DSC2: variants seen among roughly 807,000 people sequenced by gnomAD.
DSC2 encodes the protein desmocollin-2.
DSC2 carries 51 observed loss-of-function variants against 87.6 expected under a neutral mutation model. The observed-to-expected ratio is 0.58, with a 90% CI of 0.46 to 0.74. The LOEUF (loss-of-function observed/expected upper bound fraction) is 0.74. Ranked by LOEUF, DSC2 falls within the 30% of genes least tolerant of loss-of-function variation. The pLI is 0.00. For synonymous variants in DSC2, 383 were observed against 393.2 expected (o/e 0.97, Z 0.31); for missense variants, 1,066 against 1,089.5 (o/e 0.98, Z 0.30).
intron 1 of DSC2, chr18:31,101,515 G>GGCCCCGGCGCACTCCC (rs1355089153): frequency 0.084 from 15,596 of 185,870 alleles, 1,136 homozygotes; most frequent in Non-Finnish European, 0.11. Flanking sequence ...CCAGCTGGAC[G>GGCCCCGGCGCACTCCC]GCCCCGGCGC....
At chr18:31,081,563 T>C (rs2144817252) in intron 9 of DSC2, among the ~76,000 whole-genome samples, 1 of 152,312 alleles carries the variant, frequency 6.6e-6, no homozygotes, top group South Asian at 2.1e-4. Context: ...AATGGATTCA[T>C]CATTTTTTAA....
At chr18:31,098,818 A>G (rs1263437455) in intron 1 of DSC2, among the ~76,000 whole-genome samples, 1 of 152,208 alleles carries the variant, frequency 6.6e-6, no homozygotes. Flanking sequence ...ACACCTGCCC[A>G]CATATGAAAT....
chr18:31,101,612 C>G (rs1009955575), intron 1 of DSC2: 3 of 407,276 alleles, frequency 7.4e-6, no homozygotes, highest in African/African-American at 6.4e-5. Flanking sequence ...GGCGCGTACC[C>G]AGGGGCCACG....
intron 14 of DSC2, among the ~76,000 whole-genome samples, chr18:31,069,879 T>A (rs1336037036): frequency 6.6e-6 from 1 of 152,206 alleles, no homozygotes; most frequent in Admixed American, 6.5e-5. Flanking sequence ...GAAGTAATGA[T>A]CAATATTTCC....
At chr18:31,071,030 T>G (rs1000965570) in intron 13 of DSC2, among the ~76,000 whole-genome samples, 180 bp from the exon 14 acceptor site, 5 of 152,118 alleles carry the variant, frequency 3.3e-5, no homozygotes, top group Non-Finnish European at 1.5e-5. Context: ...ATATGCTATT[T>G]AAAAGTTTAA....
chr18:31,066,374 CTTAAT>C lies in DSC2; in HGVS notation c.*1636_*1640del, dbSNP rs1184926616. On this transcript the variant is annotated 3_prime_UTR_variant, in exon 16 of 16. Transcript: ENST00000280904. ...AACTCACACTAAGTTTTAAAAACTG[CTTAAT>C]TTACTTTATCATGACTAGTAATATA... The C allele has an allele frequency of 6.6e-6, 1 of 152,060 alleles. No individual in the cohort carries two copies. Among genetic ancestry groups the C allele is most frequent in the Non-Finnish European group, 1.5e-5 (1 of 67,988 alleles). The allele number at this position is 152,060 out of a possible 1,614,324, so 9.4% of individuals were successfully genotyped here. A position where few individuals can be genotyped will look rare whatever the true frequency, so the allele number is the denominator to read the frequency against.
intron 8 of DSC2, 52 bp downstream of exon 8, chr18:31,082,874 A>T: frequency 6.3e-7 from 1 of 1,597,190 alleles, no homozygotes; most frequent in Non-Finnish European, 8.6e-7. Flanking sequence ...GTGCATATTA[A>T]ACAATTAAAA....
rs1352394486 is a variant in DSC2, at chr18:31,068,077, C to T, written c.2644G>A (p.Glu882Lys). The change falls in exon 16 of 16, where the codon GAA (glutamate) becomes AAA (lysine). Residue 882 changes from glutamate to lysine, a missense_variant. By Grantham distance (56) the Glu-to-Lys change is moderately conservative. Coordinates refer to ENST00000280904, the MANE Select transcript of DSC2 (RefSeq NM_024422.6). ...CSERQEEDGL[E>K]FLDNLEPKFR... ...TTGGGCTCCAAATTATCCAAAAATT[C>T]AAGCCCATCTTCTTCTTGTCGTTCA... 6.8e-6 allele frequency: 11 copies of T among 1,613,998 alleles called. No individual in the cohort carries two copies. The highest frequency in any genetic ancestry group is 9.3e-6 in the Non-Finnish European group (11 of 1,179,966).
Position 31,082,332 on chromosome 18 carries a change from C to G in DSC2, c.1169G>C (p.Arg390Thr). ...DKDLVNTANW[R>T]ANYTILKGNE... Reference sequence around the variant, plus strand: ...GCCCTTTAAAATGGTATAATTAGCTCTCCAGTTAGCAGTATTCACTAAGTC... The same window carrying G: ...GCCCTTTAAAATGGTATAATTAGCTGTCCAGTTAGCAGTATTCACTAAGTC... Residue 390 changes from arginine to threonine, a missense_variant, in exon 9 of 16, where the codon AGA becomes ACA. Coordinates refer to ENST00000280904, the MANE Select transcript of DSC2 (RefSeq NM_024422.6). 6.2e-7 allele frequency: 1 copy of G among 1,613,872 alleles called. No individual in the cohort carries two copies. The highest frequency in any genetic ancestry group is 2.2e-5 in the East Asian group (1 of 44,832).
chr18:31,083,514 A>T (rs1987301293), intron 7 of DSC2, among the ~76,000 whole-genome samples: 3 of 152,216 alleles, frequency 2.0e-5, no homozygotes, highest in Non-Finnish European at 4.4e-5. Flanking sequence ...ATTAATCAAA[A>T]CCTTTATCTC....
intron 1 of DSC2, among the ~76,000 whole-genome samples, chr18:31,100,635 T>G (rs1987910049): frequency 6.6e-6 from 1 of 152,174 alleles, no homozygotes; most frequent in African/African-American, 2.4e-5. Flanking sequence ...CAATTACCAA[T>G]TCATGATTGT....
rs112474689 is a variant in DSC2, at chr18:31,080,500, G to A, written c.1264-148C>T. On this transcript the variant is annotated intron_variant, in intron 9 of 15. Coordinates refer to ENST00000280904, the MANE Select transcript of DSC2 (RefSeq NM_024422.6). ...TATGAAACATATATCCAGTGATATG[G>A]TTTGGCTCTGTGTCGCCACCCACAT... 382 of 997,154 alleles carry A rather than the reference G, an allele frequency of 3.8e-4. 1 individual carries two copies. The African/African-American group carries it at 5.6e-3, about 15-fold the overall frequency. 61.8% of individuals were successfully genotyped at this position (997,154 alleles called of 1,614,324 possible).
At chr18:31,096,832 T>C (rs1168187699) in intron 1 of DSC2, among the ~76,000 whole-genome samples, 1 of 152,068 alleles carries the variant, frequency 6.6e-6, no homozygotes, top group East Asian at 1.9e-4. Context: ...AAGGTATATT[T>C]GCAAGAGAAG....
At chr18:31,097,619 C>A (rs1987804334) in intron 1 of DSC2, among the ~76,000 whole-genome samples, 1 of 151,620 alleles carries the variant, frequency 6.6e-6, no homozygotes, top group Admixed American at 6.6e-5. Context: ...AGGCTATCAA[C>A]CCTAGCAGAT....
chr18:31,097,928 T>C (rs1987814827), intron 1 of DSC2, among the ~76,000 whole-genome samples: 1 of 148,958 alleles, frequency 6.7e-6, no homozygotes, highest in Non-Finnish European at 1.5e-5. Flanking sequence ...GGTTGACATA[T>C]TTTTATAACT....
chr18:31,074,936 T>C (rs1567974798), intron 11 of DSC2, 29 bp from the exon 12 acceptor site: 3 of 1,581,716 alleles, frequency 1.9e-6, no homozygotes, highest in Non-Finnish European at 2.6e-6. Context: ...AAATAGTTTT[T>C]CTATGTTTTG....
Position 31,102,333 on chromosome 18 carries a change from C to T in DSC2, c.-362G>A, listed in dbSNP as rs1017673349. 1 of 203,400 alleles carries T rather than the reference C, an allele frequency of 4.9e-6. No individual in the cohort carries two copies. The highest frequency in any genetic ancestry group is 6.0e-5 in the Admixed American group (1 of 16,614). 12.6% of individuals were successfully genotyped at this position (203,400 alleles called of 1,614,324 possible). On this transcript the variant is annotated 5_prime_UTR_variant, in exon 1 of 16. In the 5' UTR this introduces an upstream ATG that the reference lacks. Transcript: ENST00000280904. ...AGGTGTTTCTCACCAGCGGACGCCA[C>T]CTATAAGGCCCATCTCCCCCACCAC...
intron 11 of DSC2, among the ~76,000 whole-genome samples, chr18:31,079,160 G>T (rs906339925): frequency 6.6e-6 from 1 of 152,176 alleles, no homozygotes; most frequent in African/African-American, 2.4e-5. Context: ...ACTGCACTAT[G>T]TAAGTATGTT....
chr18:31,083,496 G>T (rs1304633409), intron 7 of DSC2, among the ~76,000 whole-genome samples: 2 of 152,148 alleles, frequency 1.3e-5, no homozygotes, highest in African/African-American at 4.8e-5. Context: ...ATTTAAAATT[G>T]CCTGGTAATT....
Sources: gnomAD v4.1 joint callset for allele counts (sites outside exome capture counted in the v4.1 genomes callset) on GRCh38, gnomAD v4.1.1 for gene constraint, MANE v1.5 for transcripts, NCBI Gene and HGNC (gene_info 2026-07-23, HGNC 2026-07-21) for gene names.